The following CRADD variants were observed in gnomAD, a reference collection of about 807,000 sequenced individuals.
CRADD encodes death domain-containing protein CRADD.
In CRADD, 9 loss-of-function variants were observed where a neutral mutation model predicts 15.5. That is an observed-to-expected ratio of 0.58 (90% CI 0.35 to 1.01). CRADD has a LOEUF of 1.01. Among genes scored for constraint, CRADD ranks in the 50% least tolerant of loss-of-function variants. The pLI is 0.02. For missense variants in CRADD, 227 were observed against 250.3 expected, an observed-to-expected ratio of 0.91 and a Z score of 0.63; for synonymous variants, 118 against 107.6, an observed-to-expected ratio of 1.10 and a Z score of -0.60.
intron 2 of CRADD, among the ~76,000 whole-genome samples, chr12:93,822,146 A>C (rs1401327957): frequency 6.6e-6 from 1 of 151,428 alleles, no homozygotes; most frequent in Non-Finnish European, 1.5e-5. Flanking sequence ...GACAGCAATG[A>C]GTCAGTGGCA....
chr12:93,798,839 A>C (rs1362829133), intron 2 of CRADD, among the ~76,000 whole-genome samples: 2 of 152,228 alleles, frequency 1.3e-5, no homozygotes, highest in African/African-American at 2.4e-5. Context: ...AAAGCAGGCC[A>C]AGAAGTGCTG....
intron 2 of CRADD, among the ~76,000 whole-genome samples, chr12:93,865,602 G>A (rs1958360077): frequency 6.6e-6 from 1 of 152,022 alleles, no homozygotes; most frequent in East Asian, 1.9e-4. Flanking sequence ...AAAATTTTTT[G>A]TAGAGATGAC....
chr12:93,863,270 C>T (rs920935617), intron 2 of CRADD, among the ~76,000 whole-genome samples: 1 of 152,130 alleles, frequency 6.6e-6, no homozygotes, highest in African/African-American at 2.4e-5. Context: ...TAACAGCAGC[C>T]CCGAGCCAGG....
chr12:93,759,485 C>G (rs188031307), intron 2 of CRADD, among the ~76,000 whole-genome samples: 7 of 151,870 alleles, frequency 4.6e-5, no homozygotes, highest in Admixed American at 3.3e-4. Context: ...TTTTTCTCAC[C>G]GGTTCTCTTC....
At chr12:93,686,431 C>T (rs1955444774) in intron 2 of CRADD, among the ~76,000 whole-genome samples, 1 of 151,866 alleles carries the variant, frequency 6.6e-6, no homozygotes, top group African/African-American at 2.4e-5. Context: ...GAGCCATCAC[C>T]TGGCTGGCAT....
chr12:93,784,163 T>C (rs988283379), intron 2 of CRADD, among the ~76,000 whole-genome samples: 1 of 152,138 alleles, frequency 6.6e-6, no homozygotes, highest in Non-Finnish European at 1.5e-5. Context: ...TACTAATGGT[T>C]CTGACGTTGT....
chr12:93,892,091 G>A (rs1020523045), intron 2 of CRADD, among the ~76,000 whole-genome samples: 1 of 152,172 alleles, frequency 6.6e-6, no homozygotes, highest in Non-Finnish European at 1.5e-5. Flanking sequence ...AGAGGTGGGA[G>A]ATATACGTTG....
downstream of CRADD, chr12:93,850,771 T>A: frequency 1.0e-6 from 1 of 974,392 alleles, no homozygotes; most frequent in Non-Finnish European, 1.2e-6. The surrounding 1 kb of genome is among the most constrained non-coding windows in gnomAD (Gnocchi z 4.0). Flanking sequence ...CGTGTTGGGT[T>A]TTTTTTTTTC....
intron 2 of CRADD, among the ~76,000 whole-genome samples, chr12:93,760,193 G>T (rs542778207): frequency 1.4e-3 from 214 of 152,220 alleles, no homozygotes; most frequent in African/African-American, 5.1e-3. Flanking sequence ...ATAATTAGGA[G>T]AAAACCATTA....
chr12:93,685,757 C>T (rs1443560297), intron 2 of CRADD, among the ~76,000 whole-genome samples: 16 of 152,018 alleles, frequency 1.1e-4, no homozygotes, highest in East Asian at 3.9e-4. Context: ...TTTGGGAGGC[C>T]GAGGCGGGCA....
chr12:93,821,299 A>G (rs2137019112), intron 2 of CRADD, among the ~76,000 whole-genome samples: 1 of 152,152 alleles, frequency 6.6e-6, no homozygotes, highest in East Asian at 1.9e-4. Context: ...TATATTCCCT[A>G]CCAGGCCCCT....
chr12:93,891,608 G>C (rs1487776432), intron 2 of CRADD, among the ~76,000 whole-genome samples: 1 of 152,220 alleles, frequency 6.6e-6, no homozygotes, highest in Non-Finnish European at 1.5e-5. Flanking sequence ...GTGTGTGATG[G>C]AAGGGGTTAA....
chr12:93,713,796 A>G (rs547629702), intron 2 of CRADD, among the ~76,000 whole-genome samples: 1 of 152,336 alleles, frequency 6.6e-6, no homozygotes, highest in East Asian at 1.9e-4. Flanking sequence ...TTTATTTTGA[A>G]TATCTGTTGA....
At chr12:93,872,146 A>G (rs527907342) in intron 2 of CRADD, among the ~76,000 whole-genome samples, 2 of 152,150 alleles carry the variant, frequency 1.3e-5, no homozygotes, top group African/African-American at 2.4e-5. Flanking sequence ...TTAAATTTGT[A>G]TTTCTCTGAT....
chr12:93,752,202 G>A (rs767742851), intron 2 of CRADD, among the ~76,000 whole-genome samples: 4 of 152,244 alleles, frequency 2.6e-5, no homozygotes, highest in Admixed American at 2.0e-4. Context: ...TTTTGCTGAC[G>A]GTTTCCAGGT....
chr12:93,748,684 T>C (rs1248890284), intron 2 of CRADD, among the ~76,000 whole-genome samples: 1 of 152,062 alleles, frequency 6.6e-6, no homozygotes, highest in African/African-American at 2.4e-5. Context: ...AGCCCCAAAG[T>C]GTGGGTGTTT....
At chr12:93,776,748 A>T (rs1386022826) in intron 2 of CRADD, among the ~76,000 whole-genome samples, 1 of 152,228 alleles carries the variant, frequency 6.6e-6, no homozygotes, top group African/African-American at 2.4e-5. Flanking sequence ...TACAGTGTGG[A>T]TAACCTTTGA....
At chr12:93,857,085 A>T (rs1958280808) in intron 2 of CRADD, among the ~76,000 whole-genome samples, 1 of 152,042 alleles carries the variant, frequency 6.6e-6, no homozygotes, top group Admixed American at 6.5e-5. Flanking sequence ...TCTGATAGCT[A>T]TTGTTAATTC....
intron 2 of CRADD, 32 bp from the exon 3 acceptor site, chr12:93,849,938 T>G: frequency 1.5e-6 from 2 of 1,325,950 alleles, no homozygotes; most frequent in Non-Finnish European, 2.2e-6. Flanking sequence ...GTTGCCTTGC[T>G]CATTTCACCG....
Sources: gnomAD v4.1 joint callset for allele counts (sites outside exome capture counted in the v4.1 genomes callset) on GRCh38, gnomAD v4.1.1 for gene constraint, Gnocchi (gnomAD v3.1) non-coding constraint, MANE v1.5 for transcripts, NCBI Gene and HGNC (gene_info 2026-07-23, HGNC 2026-07-21) for gene names.